FAIM: variants seen among roughly 807,000 people sequenced by gnomAD.
FAIM encodes Fas apoptotic inhibitory molecule, also known as fas apoptotic inhibitory molecule 1.
A neutral mutation model predicts 21.2 loss-of-function variants in FAIM; 14 were observed. The ratio of observed to expected loss-of-function variants is 0.66; its 90% CI spans 0.44 to 1.03. FAIM has a LOEUF of 1.03. FAIM is among the 50% of genes least tolerant of loss of function. FAIM has a pLI of 0.00. For synonymous variants in FAIM, 86 were observed against 80.4 expected, an observed-to-expected ratio of 1.07 and a Z score of -0.37; for missense variants, 222 against 247.1, an observed-to-expected ratio of 0.90 and a Z score of 0.68.
chr3:138,611,648 G>C (rs899556040), intron 1 of FAIM, among the ~76,000 whole-genome samples: 9 of 152,194 alleles, frequency 5.9e-5, no homozygotes, highest in Non-Finnish European at 1.2e-4. Context: ...TTTGGGTCAT[G>C]GGGGCTGATC....
chr3:138,624,985 G>A (rs1245996543), intron 4 of FAIM, among the ~76,000 whole-genome samples: 2 of 152,060 alleles, frequency 1.3e-5, no homozygotes, highest in Non-Finnish European at 2.9e-5. Context: ...GGGCAACATA[G>A]GGAGACCTCA....
Position 138,633,041 on chromosome 3 carries a change from A to G in FAIM, c.568A>G (p.Ile190Val). The change falls in exon 6 of 6, where the codon ATT (isoleucine) becomes GTT (valine). Residue 190 changes from isoleucine to valine, a missense_variant. Ile to Val is a conservative substitution (Grantham distance 29). Transcript: ENST00000360570. ...KRKEGIIHTLIVDNREIPEIA... is the reference protein window; with the variant it reads ...KRKEGIIHTLVVDNREIPEIA... The stretch of plus-strand genomic sequence containing the variant: ...GAAAGAAGGGATTATTCATACTCTC[A>G]TTGTGGATAATAGAGAAATCCCAGA... The G allele has an allele frequency of 6.2e-7, 1 of 1,613,662 alleles. No individual in the cohort carries two copies. Among genetic ancestry groups the G allele is most frequent in the South Asian group, 1.1e-5 (1 of 91,006 alleles).
rs773000157 is a variant in FAIM, at chr3:138,622,425, G to C, written c.406+9G>C. On this transcript the variant is annotated intron_variant, in intron 4 of 5. Transcript: ENST00000360570. ...CTTTAGAATTGTTTTGGGTAAGTTA[G>C]TGCTGTTTCCGCAGAACTTTTTTTT... 2 of 1,527,352 alleles carry C rather than the reference G, an allele frequency of 1.3e-6. No homozygotes were observed. Among genetic ancestry groups the C allele is most frequent in the African/African-American group, 2.8e-5 (2 of 70,836 alleles). 94.6% of individuals were successfully genotyped at this position (1,527,352 alleles called of 1,614,324 possible).
At chr3:138,617,152 T>C (rs2042833561) in intron 1 of FAIM, among the ~76,000 whole-genome samples, 1 of 151,832 alleles carries the variant, frequency 6.6e-6, no homozygotes, top group Non-Finnish European at 1.5e-5. Context: ...GAAAAGGTAT[T>C]ATAATTAAGA....
At chr3:138,617,513 A>G (rs2042837559) in intron 1 of FAIM, among the ~76,000 whole-genome samples, 1 of 146,878 alleles carries the variant, frequency 6.8e-6, no homozygotes, top group Non-Finnish European at 1.5e-5. Flanking sequence ...ACAGATATGT[A>G]TATCTATATA....
intron 4 of FAIM, among the ~76,000 whole-genome samples, chr3:138,627,183 T>C (rs531283197): frequency 2.3e-4 from 32 of 140,710 alleles, no homozygotes; most frequent in African/African-American, 8.5e-4. Flanking sequence ...GCTTTTTTAC[T>C]TTTTTTTTTT....
intron 4 of FAIM, among the ~76,000 whole-genome samples, chr3:138,627,330 C>T (rs1330257931): frequency 2.6e-5 from 4 of 151,744 alleles, no homozygotes; most frequent in African/African-American, 4.8e-5. Context: ...TACAGGCGCC[C>T]GCCACTACGT....
intron 1 of FAIM, among the ~76,000 whole-genome samples, chr3:138,617,886 TATAG>T (rs541693959): frequency 1.4e-4 from 21 of 146,890 alleles, no homozygotes; most frequent in Middle Eastern, 3.6e-3. Flanking sequence ...AATTAGATCA[TATAG>T]ATATAGATAC....
At chr3:138,609,591 CG>C (rs1560491057) in intron 1 of FAIM, among the ~76,000 whole-genome samples, 34 of 20,438 alleles carry the variant, frequency 1.7e-3, no homozygotes, top group South Asian at 0.011. Context: ...CTCTCTCTCT[CG>C]ACTCTCTCTC....
Position 138,633,026 on chromosome 3 carries a change from A to G in FAIM, c.553A>G (p.Ile185Val), listed in dbSNP as rs756240387. The G allele has an allele frequency of 1.2e-6, 2 of 1,613,812 alleles. No individual in the cohort carries two copies. Among genetic ancestry groups the G allele is most frequent in the Admixed American group, 3.3e-5 (2 of 59,984 alleles). ...CAGTAGTGGGAAGCGGAAAGAAGGG[A>G]TTATTCATACTCTCATTGTGGATAA... Reference protein sequence around the residue: ...AVSSGKRKEGIIHTLIVDNRE... With the variant: ...AVSSGKRKEGVIHTLIVDNRE... The change falls in exon 6 of 6, where the codon ATT becomes GTT. Residue 185 changes from isoleucine to valine, a missense_variant. Coordinates refer to ENST00000360570, the MANE Select transcript of FAIM (RefSeq NM_001033031.2).
chr3:138,628,850 T>C (rs530150024), intron 4 of FAIM, among the ~76,000 whole-genome samples: 1 of 152,314 alleles, frequency 6.6e-6, no homozygotes, highest in African/African-American at 2.4e-5. Flanking sequence ...CATCAATTTG[T>C]ATTAAGACCA....
chr3:138,613,615 C>G (rs1157970929), intron 1 of FAIM, among the ~76,000 whole-genome samples: 2 of 152,112 alleles, frequency 1.3e-5, no homozygotes, highest in African/African-American at 2.4e-5. Flanking sequence ...TCCCATGTAG[C>G]TGGGACTACA....
Position 138,629,115 on chromosome 3 carries a change from G to A in FAIM, c.415G>A (p.Ala139Thr), listed in dbSNP as rs641320. The A allele has an allele frequency of 0.094, 151,149 of 1,605,144 alleles. 20,921 individuals carry two copies. The highest frequency in any genetic ancestry group is 0.68 in the African/African-American group (49,116 of 72,488). The change falls in exon 5 of 6, where the codon GCT becomes ACT. Residue 139 changes from alanine (A) to threonine (T), a missense_variant. Ala to Thr is a moderately conservative substitution (Grantham distance 58). Coordinates refer to ENST00000360570, the MANE Select transcript of FAIM (RefSeq NM_001033031.2). The part of the protein sequence containing the change: ...ENFRIVLEKD[A>T]MDVWCNGKKL... ...TTATGTTACCTTTACAGAAAAAGAT[G>A]CTATGGACGTATGGTGCAATGGTAA...
At chr3:138,627,739 C>G (rs2108354135) in intron 4 of FAIM, among the ~76,000 whole-genome samples, 1 of 152,310 alleles carries the variant, frequency 6.6e-6, no homozygotes, top group East Asian at 1.9e-4. Flanking sequence ...AAGGCTGCCA[C>G]TGAGGTGACC....
intron 1 of FAIM, among the ~76,000 whole-genome samples, chr3:138,612,168 T>C (rs558193906): frequency 4.6e-4 from 67 of 145,300 alleles, no homozygotes; most frequent in African/African-American, 1.6e-3. Context: ...TGGTGCGATC[T>C]CAGCTCACTG....
chr3:138,618,337 G>A (rs1378898454), intron 1 of FAIM, among the ~76,000 whole-genome samples: 3 of 152,048 alleles, frequency 2.0e-5, no homozygotes, highest in African/African-American at 4.8e-5. Context: ...TTTCTGGCCC[G>A]TTGGATTGCT....
chr3:138,619,629 T>G, intron 1 of FAIM, 82 bp from the exon 2 acceptor site: 1 of 1,252,734 alleles, frequency 8.0e-7, no homozygotes, highest in East Asian at 2.4e-5. Context: ...AAAAACCCTT[T>G]GTAGATGTCA....
intron 1 of FAIM, among the ~76,000 whole-genome samples, chr3:138,613,494 G>GT (rs892603812): frequency 1.1e-4 from 17 of 152,042 alleles, no homozygotes; most frequent in African/African-American, 3.4e-4. Flanking sequence ...GTTTGTTTTT[G>GT]TTTTTTTGAG....
intron 4 of FAIM, among the ~76,000 whole-genome samples, chr3:138,625,600 A>G (rs1354587225): frequency 6.6e-6 from 1 of 152,228 alleles, no homozygotes; most frequent in Admixed American, 6.5e-5. Context: ...TCAAATAACA[A>G]TATTATATGA....
Sources: gnomAD v4.1 joint callset for allele counts (sites outside exome capture counted in the v4.1 genomes callset) on GRCh38, gnomAD v4.1.1 for gene constraint, MANE v1.5 for transcripts, NCBI Gene and HGNC (gene_info 2026-07-23, HGNC 2026-07-21) for gene names.